DRC11: variants seen among roughly 807,000 people sequenced by gnomAD.
The protein encoded by DRC11 is IQ and AAA domain-containing protein 1.
the DRC11 span, chr2:236,343,886 AC>A: frequency 2.0e-6 from 1 of 491,498 alleles, no homozygotes; most frequent in East Asian, 7.0e-5. The surrounding 1 kb of genome is among the most constrained non-coding windows in gnomAD (Gnocchi z 6.6). Flanking sequence ...AATCATCTCT[AC>A]CTGCGAAAAG....
chr2:236,504,954 C>T, the DRC11 span, among the ~76,000 whole-genome samples: 2 of 152,226 alleles, frequency 1.3e-5, no homozygotes, highest in Non-Finnish European at 2.9e-5. The surrounding 1 kb of genome is among the most constrained non-coding windows in gnomAD (Gnocchi z 5.0). Flanking sequence ...TTATAAATCA[C>T]CCAGTCTCGG....
At chr2:236,438,714 G>A in the DRC11 span, among the ~76,000 whole-genome samples, 80 of 151,946 alleles carry the variant, frequency 5.3e-4, 2 homozygotes, top group African/African-American at 1.7e-3. Context: ...TGCACCAAGC[G>A]GACCTAATAG....
the DRC11 span, among the ~76,000 whole-genome samples, chr2:236,358,921 CA>C: frequency 6.6e-6 from 1 of 150,540 alleles, no homozygotes; most frequent in African/African-American, 2.5e-5. Context: ...CCACAAGACA[CA>C]GGGGCAAGGC....
At chr2:236,374,857 ATTTTTTTTTTTT>A in the DRC11 span, among the ~76,000 whole-genome samples, 9 of 125,942 alleles carry the variant, frequency 7.1e-5, no homozygotes, top group Admixed American at 5.7e-4. Flanking sequence ...TGCCTGGCTA[ATTTTTTTTTTTT>A]TTTTTTTTTT....
At chr2:236,347,062 G>A in the DRC11 span, among the ~76,000 whole-genome samples, 1 of 152,204 alleles carries the variant, frequency 6.6e-6, no homozygotes, top group Non-Finnish European at 1.5e-5. Context: ...CAGGAGAGAA[G>A]GGACGCAAGA....
chr2:236,338,132 G>A, the DRC11 span: 8 of 1,473,758 alleles, frequency 5.4e-6, no homozygotes, highest in Middle Eastern at 2.3e-4. Flanking sequence ...TCCAAGGGCC[G>A]CCCTCCTGGC....
the DRC11 span, among the ~76,000 whole-genome samples, chr2:236,444,741 T>C: frequency 6.6e-6 from 1 of 152,206 alleles, no homozygotes; most frequent in Non-Finnish European, 1.5e-5. Context: ...TTTGGTGGGA[T>C]CACTCACTTA....
the DRC11 span, among the ~76,000 whole-genome samples, chr2:236,374,384 A>G: frequency 2.6e-5 from 4 of 152,216 alleles, no homozygotes; most frequent in African/African-American, 9.7e-5. Flanking sequence ...TTTGGTGGAT[A>G]TTTGACTACT....
At chr2:236,391,780 G>T in the DRC11 span, among the ~76,000 whole-genome samples, 1 of 152,136 alleles carries the variant, frequency 6.6e-6, no homozygotes, top group East Asian at 1.9e-4. The surrounding 1 kb of genome is among the most constrained non-coding windows in gnomAD (Gnocchi z 4.5). Flanking sequence ...AGATGGTTGG[G>T]TTTATCCTAT....
the DRC11 span, among the ~76,000 whole-genome samples, chr2:236,483,642 G>T: frequency 8.6e-5 from 13 of 151,840 alleles, no homozygotes; most frequent in Admixed American, 1.3e-4. This position sits in a 1 kb window ranked among gnomAD's most constrained non-coding sequence, Gnocchi z 4.8. Flanking sequence ...TAATTATGGT[G>T]AACAACAAAG....
At chr2:236,365,654 G>A in the DRC11 span, among the ~76,000 whole-genome samples, 4 of 152,082 alleles carry the variant, frequency 2.6e-5, no homozygotes, top group African/African-American at 9.7e-5. The surrounding 1 kb of genome is among the most constrained non-coding windows in gnomAD (Gnocchi z 7.4). Context: ...GTGGACCCGG[G>A]AGAGTGTGTG....
At chr2:236,491,159 G>GTATATATATATATATATACACACACAGTA in the DRC11 span, among the ~76,000 whole-genome samples, 1 of 40,340 alleles carries the variant, frequency 2.5e-5, no homozygotes, top group African/African-American at 1.5e-4. Flanking sequence ...TATACACACA[G>GTATATATATATATATATACACACACAGTA]TATATATATA....
the DRC11 span, among the ~76,000 whole-genome samples, chr2:236,474,174 A>C: frequency 6.6e-6 from 1 of 152,170 alleles, no homozygotes; most frequent in African/African-American, 2.4e-5. Context: ...AATGGTGTAC[A>C]ATTTCAATAG....
At chr2:236,328,185 C>T in the DRC11 span, among the ~76,000 whole-genome samples, 1 of 152,022 alleles carries the variant, frequency 6.6e-6, no homozygotes, top group Non-Finnish European at 1.5e-5. The surrounding 1 kb of genome is among the most constrained non-coding windows in gnomAD (Gnocchi z 6.7). Flanking sequence ...TTATTATGAA[C>T]TCATCTTTAG....
chr2:236,429,202 G>A, the DRC11 span, among the ~76,000 whole-genome samples: 9 of 152,300 alleles, frequency 5.9e-5, no homozygotes, highest in South Asian at 2.1e-4. This position sits in a 1 kb window ranked among gnomAD's most constrained non-coding sequence, Gnocchi z 5.9. Context: ...CTGGGGGAGC[G>A]TTCAGTCTTG....
chr2:236,404,494 C>T, the DRC11 span, among the ~76,000 whole-genome samples: 1 of 152,190 alleles, frequency 6.6e-6, no homozygotes, highest in Admixed American at 6.5e-5. Context: ...AGATTATTCG[C>T]CCTCCTGGCC....
the DRC11 span, among the ~76,000 whole-genome samples, chr2:236,484,600 CTTT>C: frequency 7.3e-6 from 1 of 137,494 alleles, no homozygotes; most frequent in African/African-American, 2.7e-5. Context: ...ATATTCTTGG[CTTT>C]TTTTTTTTTT....
At chr2:236,440,737 G>A in the DRC11 span, among the ~76,000 whole-genome samples, 1 of 152,172 alleles carries the variant, frequency 6.6e-6, no homozygotes, top group Non-Finnish European at 1.5e-5. Context: ...GCTTGGAGAT[G>A]AGGGGAGAGG....
At chr2:236,419,349 A>C in the DRC11 span, 92 of 1,481,946 alleles carry the variant, frequency 6.2e-5, no homozygotes, top group Non-Finnish European at 7.9e-5. This position sits in a 1 kb window ranked among gnomAD's most constrained non-coding sequence, Gnocchi z 4.8. Flanking sequence ...TCTGAAAGGA[A>C]GTTTTTGTGC....
Sources: gnomAD v4.1 joint callset for allele counts (sites outside exome capture counted in the v4.1 genomes callset) on GRCh38, gnomAD v4.1.1 for gene constraint, Gnocchi (gnomAD v3.1) non-coding constraint, MANE v1.5 for transcripts, NCBI Gene and HGNC (gene_info 2026-07-23, HGNC 2026-07-21) for gene names.